Variants in AP2B1 observed in about 807,000 individuals in gnomAD.
AP2B1 encodes AP-2 complex subunit beta.
Under a neutral mutation model 102.0 loss-of-function variants are expected in AP2B1, and 23 were observed. That is an observed-to-expected ratio of 0.23 (90% CI 0.16 to 0.32). AP2B1 has a LOEUF of 0.32. Ranked by LOEUF, AP2B1 falls within the 10% of genes least tolerant of loss-of-function variation. The pLI is 1.00. For synonymous variants in AP2B1, 381 were observed against 421.2 expected (o/e 0.90, Z 1.17); for missense variants, 541 against 1,157.4 (o/e 0.47, Z 7.73).
chr17:35,616,661 A>G (rs2074030673), intron 5 of AP2B1, among the ~76,000 whole-genome samples: 1 of 152,200 alleles, frequency 6.6e-6, no homozygotes, highest in Non-Finnish European at 1.5e-5. Context: ...CACCAGTTTC[A>G]ACACTAATGT....
intron 2 of AP2B1, among the ~76,000 whole-genome samples, chr17:35,596,191 T>A (rs1316445674): frequency 6.6e-6 from 1 of 152,222 alleles, no homozygotes; most frequent in Non-Finnish European, 1.5e-5. Context: ...TAACACCTGC[T>A]GCTGTTCACA....
At chr17:35,636,275 T>A (rs1476885598) in intron 9 of AP2B1, 66 bp from the exon 10 acceptor site, 14 of 1,160,504 alleles carry the variant, frequency 1.2e-5, no homozygotes, top group Non-Finnish European at 1.6e-5. Flanking sequence ...TTTCAAAATT[T>A]TTATGTTGAG....
intron 4 of AP2B1, among the ~76,000 whole-genome samples, chr17:35,607,031 G>A (rs1479992358): frequency 4.0e-5 from 6 of 151,530 alleles, no homozygotes; most frequent in Middle Eastern, 3.2e-3. Flanking sequence ...TCATCCTCCC[G>A]AGTAGCTGGG....
At chr17:35,720,567 ATATATATTTTT>A (rs1390549240) in intron 21 of AP2B1, among the ~76,000 whole-genome samples, 10 of 52,324 alleles carry the variant, frequency 1.9e-4, no homozygotes, top group African/African-American at 6.8e-4. Flanking sequence ...ATATATATAT[ATATATATTTTT>A]TTTTTTTTTT....
intron 21 of AP2B1, among the ~76,000 whole-genome samples, chr17:35,721,636 T>C (rs2085396952): frequency 6.6e-6 from 1 of 152,178 alleles, no homozygotes; most frequent in Non-Finnish European, 1.5e-5. Flanking sequence ...GTCCATGACT[T>C]CCCACCAATG....
intron 14 of AP2B1, among the ~76,000 whole-genome samples, 177 bp from the exon 15 acceptor site, chr17:35,670,680 A>G (rs2142951951): frequency 6.6e-6 from 1 of 152,236 alleles, no homozygotes; most frequent in South Asian, 2.1e-4. Context: ...ACCACCACTT[A>G]GTTCCCCTAG....
chr17:35,627,617 C>A lies in AP2B1; in HGVS notation c.1060-14C>A. The stretch of plus-strand genomic sequence containing the variant: ...GAGAATCCTTAATGATTAACCACTT[C>A]CTGGGTTTAACAGGTTCTGGCAGAA... On this transcript the variant is annotated splice_polypyrimidine_tract_variant and intron_variant, in intron 8 of 21. Coordinates refer to ENST00000610402, the MANE Select transcript of AP2B1 (RefSeq NM_001030006.2). The A allele has an allele frequency of 6.2e-7, 1 of 1,613,578 alleles. No individual in the cohort carries two copies. Among genetic ancestry groups the A allele is most frequent in the Non-Finnish European group, 8.5e-7 (1 of 1,179,786 alleles).
At chr17:35,670,471 G>A (rs1011936911) in intron 14 of AP2B1, among the ~76,000 whole-genome samples, 1 of 151,886 alleles carries the variant, frequency 6.6e-6, no homozygotes, top group African/African-American at 2.4e-5. Context: ...CCCACTATAA[G>A]TTTCCTTTTA....
chr17:35,703,209 G>A (rs1165821002), intron 18 of AP2B1, among the ~76,000 whole-genome samples: 1 of 144,120 alleles, frequency 6.9e-6, no homozygotes, highest in African/African-American at 2.6e-5. Flanking sequence ...AGCTTGCAGT[G>A]AGCCGAGATT....
chr17:35,704,045 G>T (rs2076292311), intron 18 of AP2B1, among the ~76,000 whole-genome samples: 1 of 152,096 alleles, frequency 6.6e-6, no homozygotes, highest in Non-Finnish European at 1.5e-5. Flanking sequence ...AAGAAAACAA[G>T]AAACTGTCTT....
At chr17:35,632,905 A>G (rs1430534105) in intron 9 of AP2B1, among the ~76,000 whole-genome samples, 3 of 151,730 alleles carry the variant, frequency 2.0e-5, no homozygotes, top group African/African-American at 7.2e-5. Context: ...TATTCTACAT[A>G]CTACATAATT....
chr17:35,656,175 A>G (rs903676189), intron 13 of AP2B1, among the ~76,000 whole-genome samples: 3 of 152,090 alleles, frequency 2.0e-5, no homozygotes, highest in Non-Finnish European at 4.4e-5. Flanking sequence ...ATCTTCTCCA[A>G]GCTTATAAAG....
chr17:35,644,206 C>G (rs1185661567), intron 12 of AP2B1, among the ~76,000 whole-genome samples: 1 of 152,188 alleles, frequency 6.6e-6, no homozygotes, highest in Non-Finnish European at 1.5e-5. Flanking sequence ...TGCCCATGGT[C>G]TTGTCCACTG....
At chr17:35,636,095 A>G (rs1405974935) in intron 9 of AP2B1, among the ~76,000 whole-genome samples, 1 of 152,086 alleles carries the variant, frequency 6.6e-6, no homozygotes, top group East Asian at 1.9e-4. Context: ...TTTATACATC[A>G]TGAGGAACAT....
intron 10 of AP2B1, among the ~76,000 whole-genome samples, 180 bp from the exon 11 acceptor site, chr17:35,639,412 TGAA>T (rs1320461376): frequency 6.6e-6 from 1 of 152,160 alleles, no homozygotes; most frequent in Non-Finnish European, 1.5e-5. Flanking sequence ...AAAAAATAAT[TGAA>T]GGGAAATTTA....
At chr17:35,595,658 G>A (rs1010898323) in intron 2 of AP2B1, among the ~76,000 whole-genome samples, 1 of 152,144 alleles carries the variant, frequency 6.6e-6, no homozygotes, top group African/African-American at 2.4e-5. Flanking sequence ...GGGGGAGGAG[G>A]AGGGAGAAAA....
intron 5 of AP2B1, chr17:35,621,500 A>T (rs1195976615): frequency 9.3e-6 from 2 of 214,512 alleles, no homozygotes; most frequent in Non-Finnish European, 8.0e-6. Flanking sequence ...GAGGGGTAGG[A>T]TAGCATCTCC....
intron 5 of AP2B1, among the ~76,000 whole-genome samples, chr17:35,612,537 T>C (rs1255777512): frequency 6.6e-6 from 1 of 152,176 alleles, no homozygotes; most frequent in African/African-American, 2.4e-5. Flanking sequence ...TTAGAACACT[T>C]AAATTTAAGT....
chr17:35,645,802 T>G (rs2074916880), intron 12 of AP2B1, among the ~76,000 whole-genome samples: 2 of 152,166 alleles, frequency 1.3e-5, no homozygotes, highest in South Asian at 4.1e-4. Flanking sequence ...TGAGCCAAGA[T>G]CGTGCCATTA....
Sources: allele counts gnomAD v4.1 joint callset (sites outside exome capture counted in the v4.1 genomes callset), GRCh38; gene constraint gnomAD v4.1.1; transcripts MANE v1.5; gene names NCBI Gene and HGNC (gene_info 2026-07-23, HGNC 2026-07-21).